SLCO2A1: variants seen among roughly 807,000 people sequenced by gnomAD.
SLCO2A1 encodes the protein solute carrier organic anion transporter family member 2A1, also known as matrin F/G 1.
Under a neutral mutation model 71.7 loss-of-function variants are expected in SLCO2A1, and 60 were observed. The ratio of observed to expected loss-of-function variants is 0.84; its 90% confidence interval spans 0.68 to 1.04. The LOEUF is 1.04. Among genes scored for constraint, SLCO2A1 ranks in the 50% least tolerant of loss-of-function variants. The pLI, the probability that SLCO2A1 is intolerant of heterozygous loss-of-function variation, is 0.00. For synonymous variants in SLCO2A1, 308 were observed against 326.7 expected (o/e 0.94, Z 0.62); for missense variants, 745 against 813.4 (o/e 0.92, Z 1.02).
rs759792837 is a variant in SLCO2A1, at chr3:133,973,727, A to G, written c.333T>C (p.Gly111=). The part of the protein sequence containing the change: ...IGIGGLFLAA[G]AFILTLPHFL... ...AGTGTGGGAGGGTGAGGATGAAGGCACCTGCAGCCAGGAAGAGACCTCCGA... is the reference window on the plus strand; with the variant it reads ...AGTGTGGGAGGGTGAGGATGAAGGCGCCTGCAGCCAGGAAGAGACCTCCGA... Residue 111 remains glycine, a synonymous_variant, in exon 3 of 14, where the codon GGT becomes GGC. Transcript: ENST00000310926. The G allele has an allele frequency of 6.2e-7, 1 of 1,614,112 alleles. No individual in the cohort carries two copies. The highest frequency in any genetic ancestry group is 8.5e-7 in the Non-Finnish European group (1 of 1,180,030).
At chr3:134,016,406 C>T (rs532405864) in intron 1 of SLCO2A1, among the ~76,000 whole-genome samples, 1 of 151,876 alleles carries the variant, frequency 6.6e-6, no homozygotes, top group African/African-American at 2.4e-5. Flanking sequence ...AGAGGAAATA[C>T]AAACAGTAAA....
chr3:134,026,369 G>C (rs1221973627), intron 1 of SLCO2A1, among the ~76,000 whole-genome samples: 1 of 151,408 alleles, frequency 6.6e-6, no homozygotes, highest in African/African-American at 2.4e-5. Context: ...CGTAGGCATA[G>C]AGCTTACGCC....
chr3:133,942,596 GC>G lies in SLCO2A1; in HGVS notation c.1625+8del. ...CCACGCCCCAGACTCACAGAGGTTTGCCACTCACCGCAGAACCATCATGTAG... is the reference window on the plus strand; with the variant it reads ...CCACGCCCCAGACTCACAGAGGTTTGCACTCACCGCAGAACCATCATGTAG... On this transcript the variant is annotated splice_region_variant and intron_variant, in intron 11 of 13. Transcript: ENST00000310926. The G allele has an allele frequency of 6.2e-7, 1 of 1,602,634 alleles. No individual in the cohort carries two copies. Among genetic ancestry groups the G allele is most frequent in the Non-Finnish European group, 8.5e-7 (1 of 1,173,760 alleles).
chr3:134,026,508 G>C (rs913377553), intron 1 of SLCO2A1, among the ~76,000 whole-genome samples: 1 of 152,132 alleles, frequency 6.6e-6, no homozygotes, highest in African/African-American at 2.4e-5. Context: ...GAGAAGCATA[G>C]CTATAGGAAA....
At chr3:133,949,536 G>A (rs866496340) in intron 6 of SLCO2A1, among the ~76,000 whole-genome samples, 34 of 152,254 alleles carry the variant, frequency 2.2e-4, no homozygotes, top group Non-Finnish European at 2.2e-4. Context: ...TTCTGACCTT[G>A]TCAGCTCCAG....
intron 1 of SLCO2A1, among the ~76,000 whole-genome samples, chr3:134,005,849 T>C (rs895059132): frequency 2.0e-5 from 3 of 152,188 alleles, no homozygotes; most frequent in African/African-American, 7.2e-5. Context: ...TGTTCCTATT[T>C]ACCATGAAGT....
chr3:133,965,919 G>A (rs894967180), intron 3 of SLCO2A1, among the ~76,000 whole-genome samples: 3 of 152,192 alleles, frequency 2.0e-5, no homozygotes, highest in African/African-American at 7.2e-5. Flanking sequence ...CTGATGGAGT[G>A]GAGTATAGGA....
chr3:133,952,287 T>C (rs1396535778), intron 5 of SLCO2A1, among the ~76,000 whole-genome samples: 2 of 152,232 alleles, frequency 1.3e-5, no homozygotes, highest in African/African-American at 2.4e-5. Context: ...ACCATGCAGA[T>C]GGCACTGTGG....
At chr3:133,987,335 T>C (rs1934740660) in intron 1 of SLCO2A1, among the ~76,000 whole-genome samples, 1 of 151,742 alleles carries the variant, frequency 6.6e-6, no homozygotes, top group African/African-American at 2.4e-5. Context: ...GTAGAATCGA[T>C]TCTCTCTGAA....
chr3:133,986,027 T>G lies in SLCO2A1; in HGVS notation c.97-6409A>C, dbSNP rs2108061860. On this transcript the variant is annotated intron_variant, in intron 1 of 13. Transcript: ENST00000310926. Reference sequence around the variant, plus strand: ...TTTGCAGCCATGTATGAAGGGACTTTCTACCGTGGTGGAAATATTCTACTT... The same window carrying G: ...TTTGCAGCCATGTATGAAGGGACTTGCTACCGTGGTGGAAATATTCTACTT... Among the ~76,000 whole-genome samples, 2 of 152,392 alleles carry G rather than the reference T, an allele frequency of 1.3e-5. 1 individual carries two copies. Among genetic ancestry groups the G allele is most frequent in the South Asian group, 4.1e-4 (2 of 4,828 alleles).
intron 1 of SLCO2A1, among the ~76,000 whole-genome samples, chr3:134,029,250 GAC>G (rs1299853473): frequency 6.6e-6 from 1 of 152,156 alleles, no homozygotes; most frequent in Non-Finnish European, 1.5e-5. Context: ...GCTCGGACGA[GAC>G]ACAGTCTGTC....
At chr3:133,979,357 A>G in intron 2 of SLCO2A1, 124 bp downstream of exon 2, 1 of 1,227,274 alleles carries the variant, frequency 8.1e-7, no homozygotes, top group Non-Finnish European at 1.2e-6. Context: ...GTTTGCTGTT[A>G]CCCGGCAGAA....
intron 1 of SLCO2A1, among the ~76,000 whole-genome samples, chr3:133,997,292 GTC>G (rs1443377669): frequency 1.3e-5 from 2 of 152,180 alleles, no homozygotes; most frequent in African/African-American, 2.4e-5. Context: ...TCTGCCCCCA[GTC>G]TCCTTGCTAG....
chr3:134,026,696 C>T (rs1246509272), intron 1 of SLCO2A1, among the ~76,000 whole-genome samples: 1 of 152,182 alleles, frequency 6.6e-6, no homozygotes, highest in Admixed American at 6.5e-5. Flanking sequence ...TATTCTGGCC[C>T]AGCAAGAAAC....
chr3:133,935,734 G>A, intron 13 of SLCO2A1, 40 bp downstream of exon 13: 1 of 1,526,498 alleles, frequency 6.6e-7, no homozygotes, highest in Non-Finnish European at 8.8e-7. Context: ...CTCAAGCCCA[G>A]GGCCTGGCTC....
chr3:133,994,957 T>G (rs1252216706), intron 1 of SLCO2A1, among the ~76,000 whole-genome samples: 1 of 152,208 alleles, frequency 6.6e-6, no homozygotes, highest in Non-Finnish European at 1.5e-5. Context: ...TCTTCTGATC[T>G]ATTCTTTAAC....
chr3:134,020,545 G>A (rs759214552), intron 1 of SLCO2A1, among the ~76,000 whole-genome samples: 5 of 152,238 alleles, frequency 3.3e-5, no homozygotes, highest in Non-Finnish European at 5.9e-5. Flanking sequence ...GAGGAGCAAC[G>A]CAGTGGCTGA....
chr3:133,987,132 CCCCCCCCCCCG>C (rs1306707746), intron 1 of SLCO2A1, among the ~76,000 whole-genome samples: 1 of 62,554 alleles, frequency 1.6e-5, no homozygotes, highest in Non-Finnish European at 3.0e-5. Context: ...AAATTCAAAG[CCCCCCCCCCCG>C]CCCCCGCCCC....
At chr3:134,007,418 T>C (rs1935244283) in intron 1 of SLCO2A1, among the ~76,000 whole-genome samples, 1 of 152,242 alleles carries the variant, frequency 6.6e-6, no homozygotes, top group Admixed American at 6.5e-5. Flanking sequence ...AAGCTTTCCC[T>C]GTGTTTTCCT....
Sources: gnomAD v4.1 joint callset for allele counts (sites outside exome capture counted in the v4.1 genomes callset) on GRCh38, gnomAD v4.1.1 for gene constraint, MANE v1.5 for transcripts, NCBI Gene and HGNC (gene_info 2026-07-23, HGNC 2026-07-21) for gene names.